Variants in DNAJB6 observed in about 807,000 individuals in gnomAD.
DNAJB6 encodes the protein DnaJ heat shock protein family (Hsp40) member B6, also known as dnaJ homolog subfamily B member 6.
In DNAJB6, 16 loss-of-function variants were observed where a neutral mutation model predicts 42.7. That is an observed-to-expected ratio of 0.37 (90% CI 0.25 to 0.57). The LOEUF (loss-of-function observed/expected upper bound fraction) is 0.57, where lower values mean the gene tolerates loss of function less well. Among genes scored for constraint, DNAJB6 ranks in the 20% least tolerant of loss-of-function variants. The probability of loss-of-function intolerance (pLI) is 0.74; values close to 1 mark genes in which losing one functional copy is unlikely to be tolerated. For missense variants in DNAJB6, 347 were observed against 416.8 expected (o/e 0.83, Z 1.46); for synonymous variants, 170 against 163.5 (o/e 1.04, Z -0.30).
intron 1 of DNAJB6, among the ~76,000 whole-genome samples, chr7:157,349,979 G>C (rs1317223): frequency 0.023 from 3,477 of 152,246 alleles, 111 homozygotes; most frequent in African/African-American, 0.075. Context: ...AGTAGATTCA[G>C]AGTCTCCCTT....
chr7:157,377,952 C>G (rs766095336), intron 5 of DNAJB6, among the ~76,000 whole-genome samples: 7 of 152,212 alleles, frequency 4.6e-5, no homozygotes, highest in African/African-American at 7.2e-5. Context: ...CAGCGCAGGT[C>G]ACGTTCTCCT....
chr7:157,404,136 T>G (rs1343266097), intron 8 of DNAJB6, among the ~76,000 whole-genome samples: 1 of 150,816 alleles, frequency 6.6e-6, no homozygotes, highest in Non-Finnish European at 1.5e-5. Flanking sequence ...CTGGCTAATT[T>G]TTTCTTTTTT....
In DNAJB6 at chr7:157,384,862, T is replaced by C. The variant is rs759259870; in HGVS notation, c.479-5T>C. On this transcript the variant is annotated splice_polypyrimidine_tract_variant and splice_region_variant and intron_variant, in intron 6 of 9. Transcript: ENST00000262177. ...TAAGCATTTTTCTTTTCTGTTTTCC[T>C]GTAGGATTTACTTCATTTGGGTCAC... 10 of 1,609,014 alleles carry C rather than the reference T, an allele frequency of 6.2e-6. No individual in the cohort carries two copies. The highest frequency in any genetic ancestry group is 5.4e-5 in the African/African-American group (4 of 74,658).
chr7:157,393,990 C>T (rs1395995418), intron 8 of DNAJB6, among the ~76,000 whole-genome samples: 1 of 152,136 alleles, frequency 6.6e-6, no homozygotes, highest in African/African-American at 2.4e-5. Flanking sequence ...TACATTTGTC[C>T]GTGTCTGAAG....
At chr7:157,344,437 A>G (rs921797066) in intron 1 of DNAJB6, among the ~76,000 whole-genome samples, 9 of 151,498 alleles carry the variant, frequency 5.9e-5, no homozygotes, top group African/African-American at 2.2e-4. Flanking sequence ...CGCTGGAACC[A>G]GGGAGGTGGA....
intron 8 of DNAJB6, among the ~76,000 whole-genome samples, chr7:157,392,443 G>A (rs990493238): frequency 2.6e-5 from 4 of 151,108 alleles, no homozygotes; most frequent in Non-Finnish European, 4.4e-5. Context: ...GTGTGTGTGC[G>A]TGCGTGTGCC....
rs1386257949 is a variant in DNAJB6, at chr7:157,355,715, A to C, written c.-26-2832A>C. 2.6e-5 allele frequency among the ~76,000 whole-genome samples: 4 copies of C among 151,932 alleles called. No individual in the cohort carries two copies. The South Asian group carries it at 8.3e-4, about 31-fold the overall frequency. ...GAGGAGCGCAGAGGTGAGGGCATCC[A>C]CTCCAGGGGGTGGCTCTCATACTGC... On this transcript the variant is annotated intron_variant, in intron 1 of 9. Transcript: ENST00000262177.
intron 1 of DNAJB6, among the ~76,000 whole-genome samples, chr7:157,356,442 C>T (rs1007837207): frequency 2.0e-5 from 3 of 152,148 alleles, no homozygotes; most frequent in Non-Finnish European, 2.9e-5. Context: ...GGAGTCGACT[C>T]CTGTCTTTTC....
chr7:157,400,985 T>G (rs1168025063), intron 8 of DNAJB6, among the ~76,000 whole-genome samples: 5 of 151,948 alleles, frequency 3.3e-5, no homozygotes, highest in Non-Finnish European at 7.4e-5. Flanking sequence ...AAAGGGGAGG[T>G]GAGGTAAAAC....
chr7:157,343,825 A>G (rs1405243223), intron 1 of DNAJB6, among the ~76,000 whole-genome samples: 1 of 152,160 alleles, frequency 6.6e-6, no homozygotes, highest in Non-Finnish European at 1.5e-5. Flanking sequence ...TTTTTGATTA[A>G]TGGCGATTAG....
rs1799781527 is a variant in DNAJB6, at chr7:157,365,139, A to G, written c.176-1363A>G. Among the ~76,000 whole-genome samples, 3 of 152,338 alleles carry G rather than the reference A, an allele frequency of 2.0e-5. No homozygotes were observed. The South Asian group carries it at 6.2e-4, about 32-fold the overall frequency. On this transcript the variant is annotated intron_variant, in intron 3 of 9. Coordinates refer to ENST00000262177, the MANE Select transcript of DNAJB6 (RefSeq NM_058246.4). ...GCTAACTTTTTTGTATTGTGTTTAAAGGTGGGATTTTGCCGTGTTGCCCAG... is the reference window on the plus strand; with the variant it reads ...GCTAACTTTTTTGTATTGTGTTTAAGGGTGGGATTTTGCCGTGTTGCCCAG...
intron 8 of DNAJB6, among the ~76,000 whole-genome samples, chr7:157,404,060 A>G (rs1380793088): frequency 7.0e-6 from 1 of 143,162 alleles, no homozygotes. Context: ...TCGAACTCCT[A>G]GGCTCAAGCC....
chr7:157,406,028 C>T lies in DNAJB6; in HGVS notation c.692-3767C>T, dbSNP rs556791031. Among the ~76,000 whole-genome samples the T allele has an allele frequency of 1.8e-4, 28 of 152,374 alleles. No homozygotes were observed. The South Asian group carries it at 3.9e-3, about 21-fold the overall frequency. ...GCCGGGCGTGTAGCCAGGGCAGCTG[C>T]AGCAGGAGGACGCCCAGAGCCTTGG... is the stretch of plus-strand genomic sequence containing the variant. On this transcript the variant is annotated intron_variant, in intron 8 of 9. Coordinates refer to ENST00000262177, the MANE Select transcript of DNAJB6 (RefSeq NM_058246.4).
At chr7:157,393,450 T>C (rs925064781) in intron 8 of DNAJB6, among the ~76,000 whole-genome samples, 14 of 152,226 alleles carry the variant, frequency 9.2e-5, no homozygotes, top group African/African-American at 3.1e-4. Context: ...AAAGATTAGT[T>C]ACTGTGTTTA....
At chr7:157,351,450 A>T (rs1359936760) in intron 1 of DNAJB6, among the ~76,000 whole-genome samples, 2 of 151,794 alleles carry the variant, frequency 1.3e-5, no homozygotes, top group Non-Finnish European at 2.9e-5. Context: ...TGGCATGGTG[A>T]AACCCTGTCT....
At chr7:157,365,039 C>T (rs1319224901) in intron 3 of DNAJB6, among the ~76,000 whole-genome samples, 2 of 152,242 alleles carry the variant, frequency 1.3e-5, no homozygotes, top group African/African-American at 4.8e-5. Context: ...GCAGTCTTGA[C>T]CTCCCAGGCT....
intron 5 of DNAJB6, chr7:157,378,919 C>A (rs969007295): frequency 6.6e-6 from 1 of 152,070 alleles, no homozygotes; most frequent in African/African-American, 2.4e-5. Context: ...TTTAATGTTT[C>A]TTAGCACTGT....
At chr7:157,345,400 G>C (rs1489589667) in intron 1 of DNAJB6, among the ~76,000 whole-genome samples, 3 of 151,988 alleles carry the variant, frequency 2.0e-5, no homozygotes, top group Admixed American at 6.6e-5. Context: ...CAGCATCCTT[G>C]ATCTCTTGCG....
At chr7:157,400,375 T>TAGGGAGGTCTGAGCACGGGGGATGCCC (rs1554467485) in intron 8 of DNAJB6, among the ~76,000 whole-genome samples, 11 of 152,158 alleles carry the variant, frequency 7.2e-5, no homozygotes, top group East Asian at 3.9e-4. Flanking sequence ...CGCTCGTGTG[T>TAGGGAGGTCTGAGCACGGGGGATGCCC]GGTGTGCCGT....
Sources: allele counts gnomAD v4.1 joint callset (sites outside exome capture counted in the v4.1 genomes callset), GRCh38; gene constraint gnomAD v4.1.1; transcripts MANE v1.5; gene names NCBI Gene and HGNC (gene_info 2026-07-23, HGNC 2026-07-21).